CDH13: variants seen among roughly 807,000 people sequenced by gnomAD.
CDH13 encodes the protein cadherin 13.
Under a neutral mutation model 63.8 loss-of-function variants are expected in CDH13, and 24 were observed. That is an observed-to-expected ratio of 0.38 (90% CI 0.27 to 0.53). CDH13 has a LOEUF of 0.53. Ranked by LOEUF, CDH13 falls within the 20% of genes least tolerant of loss-of-function variation. The probability of loss-of-function intolerance (pLI) is 0.85; values close to 1 mark genes in which losing one functional copy is unlikely to be tolerated. For missense variants in CDH13, 1,049 were observed against 903.1 expected, an observed-to-expected ratio of 1.16 and a Z score of -2.07; for synonymous variants, 503 against 355.3, an observed-to-expected ratio of 1.42 and a Z score of -4.67.
chr16:82,856,826 T>C (rs1221862040), intron 1 of CDH13, among the ~76,000 whole-genome samples: 1 of 151,978 alleles, frequency 6.6e-6, no homozygotes, highest in African/African-American at 2.4e-5. Flanking sequence ...CAAGCTAGAT[T>C]CTCTGGTGGA....
intron 1 of CDH13, among the ~76,000 whole-genome samples, chr16:82,822,966 C>G (rs556121572): frequency 1.3e-5 from 2 of 152,140 alleles, no homozygotes; most frequent in Admixed American, 6.5e-5. Flanking sequence ...CGCTCATAGA[C>G]CTGGGTGTGG....
At chr16:83,222,284 T>C (rs2039721714) in intron 5 of CDH13, among the ~76,000 whole-genome samples, 1 of 152,226 alleles carries the variant, frequency 6.6e-6, no homozygotes, top group Admixed American at 6.5e-5. Context: ...TGTCATAAAA[T>C]TGAAATACAA....
At chr16:83,578,825 G>T (rs1213391530) in intron 7 of CDH13, among the ~76,000 whole-genome samples, 1 of 152,154 alleles carries the variant, frequency 6.6e-6, no homozygotes, top group Non-Finnish European at 1.5e-5. Flanking sequence ...TGTCCTATGT[G>T]TATCATTTCA....
chr16:83,562,784 T>G (rs2075731096), intron 7 of CDH13, among the ~76,000 whole-genome samples: 1 of 152,218 alleles, frequency 6.6e-6, no homozygotes, highest in Non-Finnish European at 1.5e-5. Context: ...AAATAAATCA[T>G]GTCTGTGTTC....
intron 6 of CDH13, among the ~76,000 whole-genome samples, chr16:83,386,337 A>G (rs563769420): frequency 5.9e-5 from 9 of 152,300 alleles, no homozygotes; most frequent in Admixed American, 3.3e-4. Context: ...GCGTCCCAGG[A>G]TGCTGGAATG....
chr16:82,700,998 G>C (rs2030957802), intron 1 of CDH13, among the ~76,000 whole-genome samples: 1 of 88,958 alleles, frequency 1.1e-5, no homozygotes, highest in South Asian at 3.6e-4. Flanking sequence ...CCAAACTGCT[G>C]TCCTGTGGAT....
chr16:83,321,343 A>G (rs1351925373), intron 5 of CDH13, among the ~76,000 whole-genome samples: 1 of 152,200 alleles, frequency 6.6e-6, no homozygotes, highest in African/African-American at 2.4e-5. Context: ...TTAGTATCAC[A>G]GCAAGTTGAT....
intron 5 of CDH13, among the ~76,000 whole-genome samples, chr16:83,237,669 G>C (rs928583574): frequency 1.3e-5 from 2 of 152,198 alleles, no homozygotes; most frequent in African/African-American, 4.8e-5. Flanking sequence ...GTGGGCCTAT[G>C]TTTTAACACC....
chr16:83,418,279 G>T (rs1462033124), intron 6 of CDH13, among the ~76,000 whole-genome samples: 1 of 152,142 alleles, frequency 6.6e-6, no homozygotes, highest in Non-Finnish European at 1.5e-5. Context: ...ATTTAGCTCA[G>T]CAGCTGGCAC....
intron 1 of CDH13, among the ~76,000 whole-genome samples, chr16:82,749,549 G>A (rs893616170): frequency 2.0e-5 from 3 of 152,316 alleles, no homozygotes; most frequent in South Asian, 2.1e-4. Context: ...AAAACTCAAT[G>A]TAAGGCTCTA....
At chr16:83,458,388 C>T (rs1020524842) in intron 6 of CDH13, among the ~76,000 whole-genome samples, 2 of 152,338 alleles carry the variant, frequency 1.3e-5, no homozygotes, top group East Asian at 3.9e-4. Flanking sequence ...TCCTCCCCAA[C>T]ACTTCCCAAC....
intron 10 of CDH13, among the ~76,000 whole-genome samples, chr16:83,688,372 T>C (rs984910557): frequency 1.3e-5 from 2 of 152,332 alleles, no homozygotes; most frequent in Admixed American, 6.5e-5. Flanking sequence ...CTACCATTTA[T>C]TGGGAGGAAG....
chr16:83,006,583 A>C lies in CDH13; in HGVS notation c.158-25427A>C, dbSNP rs541998852. Among the ~76,000 whole-genome samples, 179 of 152,224 alleles carry C rather than the reference A, an allele frequency of 1.2e-3. 2 individuals carry two copies. Among genetic ancestry groups the C allele is most frequent in the African/African-American group, 4.0e-3 (168 of 41,540 alleles). On this transcript the variant is annotated intron_variant, in intron 2 of 13. Coordinates refer to ENST00000567109, the MANE Select transcript of CDH13 (RefSeq NM_001257.5). ...GCCATTTGCTCCTTGTCCACAGCCC[A>C]TATCCCAATGAGGGTTATTCACTTT... is the stretch of plus-strand genomic sequence containing the variant.
chr16:83,762,404 A>AG (rs2150988033), intron 11 of CDH13, among the ~76,000 whole-genome samples: 1 of 152,242 alleles, frequency 6.6e-6, no homozygotes, highest in East Asian at 1.9e-4. Flanking sequence ...AAAACTGTTA[A>AG]GGAAAAACCC....
intron 3 of CDH13, among the ~76,000 whole-genome samples, chr16:83,083,308 A>G (rs576698909): frequency 1.3e-5 from 2 of 152,286 alleles, no homozygotes; most frequent in Non-Finnish European, 2.9e-5. Flanking sequence ...CATTAGGACA[A>G]TTTACATAAC....
intron 6 of CDH13, among the ~76,000 whole-genome samples, chr16:83,420,538 C>T (rs758011509): frequency 6.6e-6 from 1 of 152,224 alleles, no homozygotes; most frequent in African/African-American, 2.4e-5. Context: ...AATGTGTGCA[C>T]ATGACAGCAT....
chr16:83,004,886 A>T (rs147866974), intron 2 of CDH13, among the ~76,000 whole-genome samples: 53 of 152,318 alleles, frequency 3.5e-4, no homozygotes, highest in Middle Eastern at 3.4e-3. Flanking sequence ...AGTAGCATGG[A>T]TGGAGATGGC....
At chr16:83,722,553 G>A (rs915472822) in intron 10 of CDH13, among the ~76,000 whole-genome samples, 4 of 152,212 alleles carry the variant, frequency 2.6e-5, no homozygotes, top group South Asian at 2.1e-4. Context: ...CAGAGAATCA[G>A]ATGTTAAACA....
chr16:82,920,188 C>T (rs894398848), intron 2 of CDH13, among the ~76,000 whole-genome samples: 7 of 152,180 alleles, frequency 4.6e-5, no homozygotes, highest in African/African-American at 7.2e-5. Flanking sequence ...ACCAGGACTT[C>T]GTCTTCATCT....
Sources: gnomAD v4.1 joint callset for allele counts (sites outside exome capture counted in the v4.1 genomes callset) on GRCh38, gnomAD v4.1.1 for gene constraint, MANE v1.5 for transcripts, NCBI Gene and HGNC (gene_info 2026-07-23, HGNC 2026-07-21) for gene names.